Variants in RALYL observed in about 807,000 individuals in gnomAD.
The protein encoded by RALYL is RNA-binding Raly-like protein.
A neutral mutation model predicts 35.1 loss-of-function variants in RALYL; 29 were observed. That is an observed-to-expected ratio of 0.83 (90% CI 0.61 to 1.13). RALYL has a LOEUF of 1.13. Among genes scored for constraint, RALYL ranks in the 50% most tolerant of loss-of-function variants. The probability of loss-of-function intolerance (pLI) is 0.00; values close to 1 mark genes in which losing one functional copy is unlikely to be tolerated. For missense variants in RALYL, 359 were observed against 360.4 expected (o/e 1.00, Z 0.03); for synonymous variants, 120 against 127.6 (o/e 0.94, Z 0.40).
At chr8:84,185,051 G>T in intron 1 of RALYL, 1 of 1,611,006 alleles carries the variant, frequency 6.2e-7, no homozygotes, top group Non-Finnish European at 8.5e-7. Context: ...TTACCAAAGG[G>T]CTTTGCTTTC....
In RALYL at chr8:84,859,764, T is replaced by G. The variant is rs554590898; in HGVS notation, c.414-2532T>G. Among the ~76,000 whole-genome samples the G allele has an allele frequency of 2.6e-5, 4 of 152,090 alleles. No individual in the cohort carries two copies. The East Asian group carries it at 7.8e-4, about 29-fold the overall frequency. Reference sequence around the variant, plus strand: ...ACTTGGGAGGCTGAGGTGGGAGAATTGCTTGAGCCCAGGAGGCAGAGGTTG... The same window carrying G: ...ACTTGGGAGGCTGAGGTGGGAGAATGGCTTGAGCCCAGGAGGCAGAGGTTG... On this transcript the variant is annotated intron_variant, in intron 5 of 8. Coordinates refer to ENST00000521268, the MANE Select transcript of RALYL (RefSeq NM_173848.7).
chr8:84,514,904 T>C (rs2057936133), intron 1 of RALYL, among the ~76,000 whole-genome samples: 1 of 152,130 alleles, frequency 6.6e-6, no homozygotes, highest in African/African-American at 2.4e-5. Context: ...TAGCAGTTGG[T>C]TCCCTAGAAG....
chr8:84,517,402 A>G (rs1217129879), intron 1 of RALYL, among the ~76,000 whole-genome samples: 1 of 152,206 alleles, frequency 6.6e-6, no homozygotes, highest in Non-Finnish European at 1.5e-5. Context: ...AGTACAAGGT[A>G]AATATCAACC....
intron 1 of RALYL, among the ~76,000 whole-genome samples, chr8:84,248,644 C>T (rs72696329): frequency 6.6e-6 from 1 of 152,148 alleles, no homozygotes; most frequent in Non-Finnish European, 1.5e-5. Flanking sequence ...AAACATTCTT[C>T]CTCTCACTCT....
chr8:84,683,046 T>C (rs1835935678), intron 2 of RALYL, among the ~76,000 whole-genome samples: 1 of 152,256 alleles, frequency 6.6e-6, no homozygotes, highest in South Asian at 2.1e-4. Context: ...GTTGTGTCTC[T>C]GTTCTCATTG....
At chr8:84,546,218 C>T (rs561997223) in intron 2 of RALYL, among the ~76,000 whole-genome samples, 2 of 152,196 alleles carry the variant, frequency 1.3e-5, no homozygotes, top group South Asian at 2.1e-4. Context: ...CTCAACTTCC[C>T]GGGCTCAAGT....
At chr8:84,325,761 C>T (rs770369800) in intron 1 of RALYL, among the ~76,000 whole-genome samples, 3 of 152,196 alleles carry the variant, frequency 2.0e-5, no homozygotes, top group African/African-American at 7.2e-5. Flanking sequence ...CACCATTCTA[C>T]GTGGCTAGCA....
intron 3 of RALYL, among the ~76,000 whole-genome samples, chr8:84,790,571 C>A (rs531916549): frequency 7.4e-4 from 113 of 152,260 alleles, no homozygotes; most frequent in Middle Eastern, 3.4e-3. Flanking sequence ...AACTATTAAG[C>A]ACCCACTGGA....
intron 1 of RALYL, among the ~76,000 whole-genome samples, chr8:84,449,406 T>G (rs1026071803): frequency 3.9e-5 from 6 of 152,008 alleles, no homozygotes; most frequent in African/African-American, 1.4e-4. Flanking sequence ...CTTGCAAAGC[T>G]GTCTCTTAAA....
At chr8:84,356,221 T>C (rs927830434) in intron 1 of RALYL, among the ~76,000 whole-genome samples, 1 of 150,506 alleles carries the variant, frequency 6.6e-6, no homozygotes, top group Non-Finnish European at 1.5e-5. Context: ...TGGTTCTTTA[T>C]AGCAATGTGA....
At chr8:84,428,861 T>C (rs546927508) in intron 1 of RALYL, among the ~76,000 whole-genome samples, 126 of 152,306 alleles carry the variant, frequency 8.3e-4, no homozygotes, top group African/African-American at 2.8e-3. Context: ...GTGTGAGTTA[T>C]GTCTATTAAT....
At chr8:84,544,463 C>A (rs1361802075) in intron 2 of RALYL, among the ~76,000 whole-genome samples, 1 of 151,864 alleles carries the variant, frequency 6.6e-6, no homozygotes, top group East Asian at 1.9e-4. Flanking sequence ...AATTTCATAT[C>A]TTTTGGAGAT....
intron 1 of RALYL, among the ~76,000 whole-genome samples, chr8:84,187,688 A>G (rs1292093144): frequency 6.6e-6 from 1 of 152,134 alleles, no homozygotes; most frequent in Non-Finnish European, 1.5e-5. Context: ...TGTTAATTAG[A>G]AAAATAATTT....
intron 2 of RALYL, among the ~76,000 whole-genome samples, chr8:84,620,989 C>G (rs1228433013): frequency 3.3e-5 from 5 of 152,162 alleles, no homozygotes; most frequent in Non-Finnish European, 7.3e-5. Context: ...AACCACTGCT[C>G]TCTTCAAAGC....
At chr8:84,438,216 C>T (rs775464390) in intron 1 of RALYL, among the ~76,000 whole-genome samples, 11 of 152,080 alleles carry the variant, frequency 7.2e-5, no homozygotes, top group Non-Finnish European at 1.6e-4. Context: ...GTTTAGTTTA[C>T]TCCGTTGATA....
intron 3 of RALYL, among the ~76,000 whole-genome samples, chr8:84,793,913 A>T (rs1821351655): frequency 6.6e-6 from 1 of 152,236 alleles, no homozygotes; most frequent in Non-Finnish European, 1.5e-5. Flanking sequence ...AACACAGCTA[A>T]GCAAAACACA....
chr8:84,278,456 A>G (rs538633945), intron 1 of RALYL, among the ~76,000 whole-genome samples: 3 of 152,290 alleles, frequency 2.0e-5, no homozygotes, highest in African/African-American at 7.2e-5. Flanking sequence ...GGTGCTTAAC[A>G]TTTGGTTCCT....
chr8:84,265,043 A>G (rs959118623), intron 1 of RALYL, among the ~76,000 whole-genome samples: 3 of 152,214 alleles, frequency 2.0e-5, no homozygotes, highest in Non-Finnish European at 4.4e-5. Context: ...CATAAGCAAA[A>G]GTGCTGTCAT....
At chr8:84,507,084 A>G (rs1193319066) in intron 1 of RALYL, among the ~76,000 whole-genome samples, 1 of 152,096 alleles carries the variant, frequency 6.6e-6, no homozygotes, top group African/African-American at 2.4e-5. Flanking sequence ...TGACAATAGT[A>G]GAGTTTTTAT....
Sources: gnomAD v4.1 joint callset for allele counts (sites outside exome capture counted in the v4.1 genomes callset) on GRCh38, gnomAD v4.1.1 for gene constraint, MANE v1.5 for transcripts, NCBI Gene and HGNC (gene_info 2026-07-23, HGNC 2026-07-21) for gene names.